Variants in RFTN2 observed in about 807,000 individuals in gnomAD.
RFTN2 encodes raftlin family member 2.
RFTN2 carries 34 observed loss-of-function variants against 52.7 expected under a neutral mutation model. The observed-to-expected ratio is 0.64, with a 90% CI of 0.49 to 0.86. The LOEUF (loss-of-function observed/expected upper bound fraction) is 0.86. RFTN2 is among the 40% of genes least tolerant of loss of function. The pLI is 0.00. For synonymous variants in RFTN2, 203 were observed against 217.7 expected, an observed-to-expected ratio of 0.93 and a Z score of 0.59; for missense variants, 536 against 600.1, an observed-to-expected ratio of 0.89 and a Z score of 1.12.
chr2:197,578,143 A>G (rs1348342259), intron 8 of RFTN2, among the ~76,000 whole-genome samples: 2 of 152,200 alleles, frequency 1.3e-5, no homozygotes, highest in Non-Finnish European at 2.9e-5. Context: ...GCCAAAGGTA[A>G]ATTTTGCAAT....
At chr2:197,601,399 C>G (rs1018584187) in intron 7 of RFTN2, among the ~76,000 whole-genome samples, 1 of 152,140 alleles carries the variant, frequency 6.6e-6, no homozygotes, top group African/African-American at 2.4e-5. Flanking sequence ...GTTCCAAGTC[C>G]TTTCTGTGTA....
intron 1 of RFTN2, among the ~76,000 whole-genome samples, chr2:197,671,594 C>T (rs535348036): frequency 6.6e-5 from 10 of 152,302 alleles, no homozygotes; most frequent in African/African-American, 1.9e-4. Flanking sequence ...ACAAAATATC[C>T]GAGGGCAGAA....
intron 1 of RFTN2, among the ~76,000 whole-genome samples, chr2:197,653,478 C>T (rs1306427790): frequency 2.6e-5 from 4 of 151,952 alleles, no homozygotes; most frequent in Non-Finnish European, 2.9e-5. Flanking sequence ...TGGGAATACT[C>T]CCCCAAACTG....
intron 8 of RFTN2, among the ~76,000 whole-genome samples, chr2:197,593,510 T>C (rs2087748905): frequency 6.6e-6 from 1 of 152,186 alleles, no homozygotes; most frequent in South Asian, 2.1e-4. Context: ...CACAACTCCA[T>C]GGCCCTCAGT....
chr2:197,582,445 C>G (rs776207164), intron 8 of RFTN2, among the ~76,000 whole-genome samples: 7 of 152,230 alleles, frequency 4.6e-5, no homozygotes, highest in Non-Finnish European at 1.0e-4. Flanking sequence ...CTATTCCTCA[C>G]CCTGATCACA....
At chr2:197,599,073 TC>T (rs1454879151) in intron 7 of RFTN2, among the ~76,000 whole-genome samples, 1 of 151,870 alleles carries the variant, frequency 6.6e-6, no homozygotes, top group Non-Finnish European at 1.5e-5. Context: ...TACCTCAGCC[TC>T]CCGAGTAGCT....
chr2:197,599,507 G>A (rs1303101553), intron 7 of RFTN2, among the ~76,000 whole-genome samples: 1 of 152,144 alleles, frequency 6.6e-6, no homozygotes, highest in Non-Finnish European at 1.5e-5. Flanking sequence ...AGTGTGAGAA[G>A]GAGAAAGAGG....
intron 1 of RFTN2, among the ~76,000 whole-genome samples, chr2:197,660,911 C>T (rs1267829393): frequency 6.6e-6 from 1 of 152,082 alleles, no homozygotes; most frequent in African/African-American, 2.4e-5. Flanking sequence ...TCTCTTACTG[C>T]TATTTTAAAA....
rs1265871522 is a variant in RFTN2, at chr2:197,582,617, C to G, written c.1234-10337G>C. On this transcript the variant is annotated intron_variant, in intron 8 of 8. Transcript: ENST00000295049. ...CATTGCCTTCACTCAAGCCCTCACTCTTGCAAAGGGACAATGCATCAATAT... is the reference window on the plus strand; with the variant it reads ...CATTGCCTTCACTCAAGCCCTCACTGTTGCAAAGGGACAATGCATCAATAT... Among the ~76,000 whole-genome samples the G allele has an allele frequency of 2.0e-5, 3 of 152,346 alleles. No individual in the cohort carries two copies. In the East Asian group the frequency reaches 5.8e-4, roughly 29 times the overall value.
rs551369071 is a variant in RFTN2, at chr2:197,618,995, G to A, written c.929-1074C>T. Among the ~76,000 whole-genome samples the A allele has an allele frequency of 1.2e-4, 18 of 151,468 alleles. No individual in the cohort carries two copies. In the South Asian group the frequency reaches 3.8e-3, roughly 32 times the overall value. On this transcript the variant is annotated intron_variant, in intron 5 of 8. Transcript: ENST00000295049. ...CCGCCCGGCCAGCCGCCCCATCCGGGAGGGAGGGAGGTGGGGGGGTCAGCC... is the reference window on the plus strand; with the variant it reads ...CCGCCCGGCCAGCCGCCCCATCCGGAAGGGAGGGAGGTGGGGGGGTCAGCC...
At chr2:197,637,174 T>G (rs1363844518) in intron 3 of RFTN2, among the ~76,000 whole-genome samples, 2 of 151,272 alleles carry the variant, frequency 1.3e-5, no homozygotes, top group African/African-American at 2.4e-5. Context: ...GCATCAATGT[T>G]CATCAAGGAT....
intron 1 of RFTN2, among the ~76,000 whole-genome samples, chr2:197,661,985 A>G (rs921090209): frequency 1.1e-4 from 17 of 152,072 alleles, no homozygotes; most frequent in Non-Finnish European, 2.9e-5. Context: ...TTTTAACGTG[A>G]TTTTTAAAAA....
intron 5 of RFTN2, among the ~76,000 whole-genome samples, chr2:197,629,654 A>G (rs1030581698): frequency 1.0e-4 from 15 of 147,376 alleles, no homozygotes; most frequent in African/African-American, 3.8e-4. Flanking sequence ...AAAAAATATG[A>G]AGAAATATTT....
chr2:197,653,604 AC>A (rs1377354707), intron 1 of RFTN2, among the ~76,000 whole-genome samples: 1 of 152,090 alleles, frequency 6.6e-6, no homozygotes, highest in Non-Finnish European at 1.5e-5. Flanking sequence ...GTTCAACTTT[AC>A]TAGAAAGCAG....
In RFTN2 at chr2:197,640,556, G is replaced by A. The variant is rs543878879; in HGVS notation, c.438+3602C>T. Among the ~76,000 whole-genome samples the A allele has an allele frequency of 7.2e-4, 100 of 138,384 alleles. 1 individual carries two copies. The highest frequency in any genetic ancestry group is 3.8e-3 in the Middle Eastern group (1 of 266). 90.8% of individuals were successfully genotyped at this position (138,384 alleles called of 152,430 possible). On this transcript the variant is annotated intron_variant, in intron 3 of 8. Coordinates refer to ENST00000295049, the MANE Select transcript of RFTN2 (RefSeq NM_144629.3). ...GAAAGGGAACTCCCTGACCCCTTGC[G>A]CTTCCCAAGTGAGGCAATGCCTCGC...
intron 2 of RFTN2, 143 bp from the exon 3 acceptor site, chr2:197,644,415 A>C (rs933424871): frequency 3.9e-6 from 2 of 512,356 alleles, no homozygotes; most frequent in African/African-American, 4.0e-5. Flanking sequence ...CTATCTTCTT[A>C]TATAAAAATA....
At chr2:197,658,073 G>T (rs76121645) in intron 1 of RFTN2, among the ~76,000 whole-genome samples, 1,606 of 152,152 alleles carry the variant, frequency 0.011, 70 homozygotes, top group Admixed American at 0.072. Context: ...AGTGTTTGAG[G>T]CCAAGTCTTT....
chr2:197,593,860 T>C (rs1574690278), intron 8 of RFTN2, among the ~76,000 whole-genome samples: 2 of 130,300 alleles, frequency 1.5e-5, no homozygotes, highest in Non-Finnish European at 1.6e-5. Flanking sequence ...CACTCCAGCC[T>C]GGCAACAGAG....
At chr2:197,578,323 A>G (rs2087450895) in intron 8 of RFTN2, among the ~76,000 whole-genome samples, 1 of 152,218 alleles carries the variant, frequency 6.6e-6, no homozygotes, top group Non-Finnish European at 1.5e-5. Context: ...AAATGTTAAA[A>G]GATGGCAAAA....
Sources: allele counts gnomAD v4.1 joint callset (sites outside exome capture counted in the v4.1 genomes callset), GRCh38; gene constraint gnomAD v4.1.1; transcripts MANE v1.5; gene names NCBI Gene and HGNC (gene_info 2026-07-23, HGNC 2026-07-21).